The following CGN variants were observed in gnomAD, a reference collection of about 807,000 sequenced individuals.
CGN encodes the protein cingulin.
A neutral mutation model predicts 157.1 loss-of-function variants in CGN; 121 were observed. That is an observed-to-expected ratio of 0.77 (90% CI 0.66 to 0.90). The LOEUF is 0.90. Ranked by LOEUF, CGN falls within the 40% of genes least tolerant of loss-of-function variation. CGN has a pLI of 0.00. For synonymous variants in CGN, 535 were observed against 607.5 expected, an observed-to-expected ratio of 0.88 and a Z score of 1.76; for missense variants, 1,424 against 1,520.9, an observed-to-expected ratio of 0.94 and a Z score of 1.06.
At chr1:151,521,742 G>A (rs1664546193) in intron 5 of CGN, among the ~76,000 whole-genome samples, 1 of 152,196 alleles carries the variant, frequency 6.6e-6, no homozygotes, top group African/African-American at 2.4e-5. Context: ...GGAGGCTGAG[G>A]CAGGAGAATT....
At chr1:151,516,116 C>G (rs1664404135) in intron 1 of CGN, among the ~76,000 whole-genome samples, 1 of 152,176 alleles carries the variant, frequency 6.6e-6, no homozygotes, top group Non-Finnish European at 1.5e-5. Context: ...CCTTCCCCAC[C>G]AAGCCCTTTG....
chr1:151,536,006 C>T, intron 18 of CGN, 108 bp downstream of exon 18: 1 of 869,730 alleles, frequency 1.1e-6, no homozygotes, highest in Non-Finnish European at 1.9e-6. Context: ...ATATGGCCAG[C>T]CTGGCCTGAT....
chr1:151,530,108 GGCTGGA>G lies in CGN; in HGVS notation c.2308_2313del (p.Leu770_Glu771del), dbSNP rs756187523. 1.2e-6 allele frequency: 2 copies of G among 1,610,950 alleles called. No individual in the cohort carries two copies. Among genetic ancestry groups the G allele is most frequent in the Non-Finnish European group, 1.7e-6 (2 of 1,177,710 alleles). On this transcript the variant is annotated inframe_deletion and splice_region_variant, in exon 12 of 21. Coordinates refer to ENST00000271636, the MANE Select transcript of CGN (RefSeq NM_020770.3). ...GCACGACTACGGGACAAGCTGCAGC[GGCTGGA>G]GGTCAGTGGTTCTGCCCTCCCAGCC...
chr1:151,518,210 G>T (rs1379864366), intron 1 of CGN, among the ~76,000 whole-genome samples: 1 of 152,172 alleles, frequency 6.6e-6, no homozygotes, highest in African/African-American at 2.4e-5. Flanking sequence ...AGAGGAAGTG[G>T]ATTCTTTTAG....
chr1:151,527,148 T>G, intron 10 of CGN, 41 bp downstream of exon 10: 1 of 1,611,654 alleles, frequency 6.2e-7, no homozygotes, highest in Non-Finnish European at 8.5e-7. Flanking sequence ...GTAGGGGTGA[T>G]GAACACCTGC....
chr1:151,526,769 T>G (rs1481684192), intron 9 of CGN, among the ~76,000 whole-genome samples: 1 of 152,198 alleles, frequency 6.6e-6, no homozygotes, highest in Non-Finnish European at 1.5e-5. Flanking sequence ...CCACCATGCC[T>G]GGCCCACTTC....
In CGN at chr1:151,529,365, C is replaced by G. The variant is rs12044926; in HGVS notation, c.1912C>G (p.Gln638Glu). The G allele has an allele frequency of 0.052, 84,239 of 1,613,386 alleles. 3,754 individuals are homozygous for G. Among genetic ancestry groups the G allele is most frequent in the East Asian group, 0.21 (9,352 of 44,838 alleles). The change falls in exon 11 of 21, where the codon CAG becomes GAG. Residue 638 changes from glutamine (Q) to glutamate (E), a missense_variant. Transcript: ENST00000271636. ...EVLKKELLRT[Q>E]EELKELQAER... is the part of the protein sequence containing the mutation. ...TTCCTTCCAGGAGCTGCTCCGGACA[C>G]AGGAGGAGCTTAAGGAACTGCAGGC... is the stretch of plus-strand genomic sequence containing the variant.
chr1:151,527,838 CGAAAG>C, intron 10 of CGN: 2 of 246,348 alleles, frequency 8.1e-6, no homozygotes, highest in Non-Finnish European at 7.9e-6. Flanking sequence ...CACACACACA[CGAAAG>C]ACAAGTGGCA....
At chr1:151,529,855 G>T in intron 11 of CGN, 54 bp from the exon 12 acceptor site, 1 of 1,537,718 alleles carries the variant, frequency 6.5e-7, no homozygotes, top group Admixed American at 1.8e-5. Flanking sequence ...AAGCCCTGGG[G>T]TCTGAGCTGC....
At position 151,526,966 on chromosome 1, in the gene CGN, C is replaced by G; in HGVS notation, c.1764-9C>G. 6.2e-7 allele frequency: 1 copy of G among 1,614,074 alleles called. No individual in the cohort carries two copies. The highest frequency in any genetic ancestry group is 1.1e-5 in the South Asian group (1 of 91,074). ...CCCTTTCCCCTTTATTTCACCTTGCCTGGCTCAGACTCCTGCAGCTGCGAA... is the reference window on the plus strand; with the variant it reads ...CCCTTTCCCCTTTATTTCACCTTGCGTGGCTCAGACTCCTGCAGCTGCGAA... On this transcript the variant is annotated splice_polypyrimidine_tract_variant and intron_variant, in intron 9 of 20. Coordinates refer to ENST00000271636, the MANE Select transcript of CGN (RefSeq NM_020770.3).
chr1:151,523,265 T>C (rs1041951630), intron 5 of CGN, among the ~76,000 whole-genome samples, 169 bp from the exon 6 acceptor site: 11 of 152,256 alleles, frequency 7.2e-5, no homozygotes, highest in African/African-American at 2.7e-4. Flanking sequence ...TCATCACAAG[T>C]ACCAAGGCTA....
intron 15 of CGN, chr1:151,534,811 C>T (rs1474381478): frequency 8.0e-6 from 4 of 499,600 alleles, no homozygotes; most frequent in Non-Finnish European, 1.4e-5. Flanking sequence ...GTTTGCCTTT[C>T]TGTCAAAGGG....
At position 151,524,832 on chromosome 1, in the gene CGN, G is replaced by T. The variant is rs1269858388; in HGVS notation, c.1560G>T (p.Gln520His). The T allele has an allele frequency of 3.7e-6, 6 of 1,612,308 alleles. No homozygotes were observed. Among genetic ancestry groups the T allele is most frequent in the Non-Finnish European group, 5.1e-6 (6 of 1,179,996 alleles). The change falls in exon 8 of 21, where the codon CAG becomes CAT. Residue 520 changes from glutamine (Q) to histidine (H), a missense_variant. Transcript: ENST00000271636. The surrounding 1 kb of genome is among the most constrained non-coding windows in gnomAD (Gnocchi z 4.4). Reference sequence around the variant, plus strand: ...ACCAGGAGGTGGAACATGTCCGGCAGCAGTACCAGCGAGACACAGAGCAGC... The same window carrying T: ...ACCAGGAGGTGGAACATGTCCGGCATCAGTACCAGCGAGACACAGAGCAGC... ...SRDQEVEHVR[Q>H]QYQRDTEQLR... is the part of the protein sequence containing the mutation.
At chr1:151,520,571 C>G in intron 4 of CGN, 25 bp from the exon 5 acceptor site, 6 of 1,613,632 alleles carry the variant, frequency 3.7e-6, no homozygotes, top group East Asian at 2.2e-5. Context: ...ACTCCCTTCC[C>G]CCACACCCCC....
At chr1:151,535,753 A>T in intron 17 of CGN, 27 bp from the exon 18 acceptor site, 1 of 1,611,096 alleles carries the variant, frequency 6.2e-7, no homozygotes, top group Admixed American at 1.7e-5. Flanking sequence ...TGGAGTGCTA[A>T]CTGTGGAGGC....
In CGN at chr1:151,525,777, G is replaced by A. The variant is rs770683461; in HGVS notation, c.1750G>A (p.Ala584Thr). The A allele has an allele frequency of 6.2e-6, 10 of 1,602,342 alleles. No individual in the cohort carries two copies. The Admixed American group carries it at 1.4e-4, about 22-fold the overall frequency. Reference protein sequence around the residue: ...MFQKNKEDLRATKQELLQLRM... With the variant: ...MFQKNKEDLRTTKQELLQLRM... Reference sequence around the variant, plus strand: ...CCAGAAGAACAAGGAGGATCTTAGAGCCACCAAGCAGGAGTAAGGACATTG... The same window carrying A: ...CCAGAAGAACAAGGAGGATCTTAGAACCACCAAGCAGGAGTAAGGACATTG... The change falls in exon 9 of 21, where the codon GCC (alanine) becomes ACC (threonine). Residue 584 changes from alanine to threonine, a missense_variant. Coordinates refer to ENST00000271636, the MANE Select transcript of CGN (RefSeq NM_020770.3).
chr1:151,523,744 TAGTGC>T (rs1205060406), intron 6 of CGN, among the ~76,000 whole-genome samples, 183 bp downstream of exon 6: 2 of 152,200 alleles, frequency 1.3e-5, no homozygotes, highest in African/African-American at 4.8e-5. Flanking sequence ...ATAATGGTGG[TAGTGC>T]ATGATTTGGA....
At chr1:151,514,930 C>T (rs1386987135) in intron 1 of CGN, among the ~76,000 whole-genome samples, 1 of 152,096 alleles carries the variant, frequency 6.6e-6, no homozygotes, top group Non-Finnish European at 1.5e-5. Flanking sequence ...TTGTGATAGT[C>T]ACATGCTAAA....
chr1:151,532,502 A>G lies in CGN; in HGVS notation c.2672A>G (p.Gln891Arg). ...EKARREVADA[Q>R]RQAKDWASEA... ...GCCCGGCGGGAGGTGGCAGATGCCC[A>G]GCGCCAGGCCAAGGATTGGGCCAGT... Residue 891 changes from glutamine (Q) to arginine (R), a missense_variant, in exon 14 of 21, where the codon CAG (glutamine) becomes CGG (arginine). Gln to Arg is a conservative substitution (Grantham distance 43). Around this residue, in one of 3 missense-constraint regions of CGN, gnomAD observed 1,187 missense variants for 1,217.6 expected, o/e 0.97. Coordinates refer to ENST00000271636, the MANE Select transcript of CGN (RefSeq NM_020770.3). 5.0e-6 allele frequency: 8 copies of G among 1,609,838 alleles called. No individual in the cohort carries two copies. The East Asian group carries it at 1.8e-4, about 36-fold the overall frequency.
Sources: gnomAD v4.1 joint callset for allele counts (sites outside exome capture counted in the v4.1 genomes callset) on GRCh38, gnomAD v4.1.1 for gene constraint, gnomAD v4.1.1 regional missense constraint, Gnocchi (gnomAD v3.1) non-coding constraint, MANE v1.5 for transcripts, NCBI Gene and HGNC (gene_info 2026-07-23, HGNC 2026-07-21) for gene names.